Variants in RIMS2 observed in about 807,000 individuals in gnomAD.
The protein encoded by RIMS2 is regulating synaptic membrane exocytosis 2, also known as regulating synaptic membrane exocytosis protein 2.
In RIMS2, 59 loss-of-function variants were observed where a neutral mutation model predicts 174.4. The observed-to-expected ratio is 0.34, with a 90% CI of 0.27 to 0.42. The LOEUF is 0.42. Ranked by LOEUF, RIMS2 falls within the 10% of genes least tolerant of loss-of-function variation. The pLI, the probability that RIMS2 is intolerant of heterozygous loss-of-function variation, is 1.00. For synonymous variants in RIMS2, 606 were observed against 572.5 expected, an observed-to-expected ratio of 1.06 and a Z score of -0.84; for missense variants, 1,620 against 1,666.3, an observed-to-expected ratio of 0.97 and a Z score of 0.48.
At chr8:104,234,204 G>C (rs1200851765) in intron 19 of RIMS2, among the ~76,000 whole-genome samples, 5 of 152,106 alleles carry the variant, frequency 3.3e-5, no homozygotes, top group Admixed American at 1.3e-4. Flanking sequence ...AGAAAGATAA[G>C]TTACCTGCCC....
At chr8:103,586,333 G>C (rs1176572463) in intron 1 of RIMS2, among the ~76,000 whole-genome samples, 1 of 152,148 alleles carries the variant, frequency 6.6e-6, no homozygotes, top group Admixed American at 6.6e-5. Context: ...CTCAAAGATA[G>C]ACTATATGTT....
chr8:103,756,436 C>A lies in RIMS2; in HGVS notation c.388-9791C>A, dbSNP rs1428018881. On this transcript the variant is annotated intron_variant, in intron 2 of 23. Coordinates refer to ENST00000504942, the Ensembl canonical transcript of RIMS2. ...TCTTGTATATTATTTTCTTTTCTTTCTTTTTTTTTTTCTTTCTTAAGACAG... is the reference window on the plus strand; with the variant it reads ...TCTTGTATATTATTTTCTTTTCTTTATTTTTTTTTTTCTTTCTTAAGACAG... Among the ~76,000 whole-genome samples, 19 of 123,890 alleles carry A rather than the reference C, an allele frequency of 1.5e-4. No homozygotes were observed. The East Asian group carries it at 3.9e-3, about 25-fold the overall frequency. The allele number at this position is 123,890 out of a possible 152,430, so 81.3% of individuals were successfully genotyped here. A position where few individuals can be genotyped will look rare whatever the true frequency, so the allele number is the denominator to read the frequency against.
chr8:103,655,396 TA>T (rs769358052), intron 1 of RIMS2, among the ~76,000 whole-genome samples: 1 of 152,026 alleles, frequency 6.6e-6, no homozygotes, highest in Non-Finnish European at 1.5e-5. Flanking sequence ...GGAAAAATGA[TA>T]AATGCCTTAT....
chr8:103,591,553 G>A (rs1053862739), intron 1 of RIMS2, among the ~76,000 whole-genome samples: 8 of 151,012 alleles, frequency 5.3e-5, no homozygotes, highest in Non-Finnish European at 7.4e-5. Flanking sequence ...TTATGTTTAG[G>A]TCTATAATCC....
At chr8:104,236,291 C>T (rs2099258228) in intron 19 of RIMS2, among the ~76,000 whole-genome samples, 1 of 151,944 alleles carries the variant, frequency 6.6e-6, no homozygotes, top group South Asian at 2.1e-4. Flanking sequence ...ATATATTTTT[C>T]TCTTTATAAT....
intron 19 of RIMS2, among the ~76,000 whole-genome samples, chr8:104,223,953 G>A (rs1186833736): frequency 6.6e-6 from 1 of 152,262 alleles, no homozygotes; most frequent in African/African-American, 2.4e-5. Flanking sequence ...CGTCAGCTGA[G>A]CAGAGAAGTT....
chr8:103,758,448 A>G (rs1332170815), intron 2 of RIMS2, among the ~76,000 whole-genome samples: 1 of 152,160 alleles, frequency 6.6e-6, no homozygotes, highest in African/African-American at 2.4e-5. Flanking sequence ...GCCCAAGCCT[A>G]CAGCTTCTAG....
intron 19 of RIMS2, among the ~76,000 whole-genome samples, chr8:104,131,683 G>T (rs966536591): frequency 2.0e-5 from 3 of 151,604 alleles, no homozygotes; most frequent in African/African-American, 7.2e-5. Context: ...TTTTAAATTT[G>T]TGGAGGAGAG....
intron 3 of RIMS2, among the ~76,000 whole-genome samples, chr8:103,855,792 A>G (rs2099024332): frequency 1.3e-5 from 2 of 152,084 alleles, no homozygotes; most frequent in Non-Finnish European, 2.9e-5. Flanking sequence ...TCAATGTTAG[A>G]TTGTATTCCA....
At chr8:104,044,500 G>A (rs1162894777) in intron 19 of RIMS2, among the ~76,000 whole-genome samples, 1 of 148,816 alleles carries the variant, frequency 6.7e-6, no homozygotes, top group East Asian at 1.9e-4. Context: ...AAAGAGGAGA[G>A]GATTAATAAT....
intron 15 of RIMS2, among the ~76,000 whole-genome samples, chr8:103,965,221 T>C (rs2091491779): frequency 6.6e-6 from 1 of 152,186 alleles, no homozygotes; most frequent in Non-Finnish European, 1.5e-5. Flanking sequence ...TTGAGATTGC[T>C]TTGAATCTGT....
At chr8:103,936,608 C>G (rs751371367) in exon 13 of RIMS2, 2 of 1,606,934 alleles carry the variant, frequency 1.2e-6, no homozygotes, top group Non-Finnish European at 1.7e-6. Context: ...CCAAATGGAA[C>G]CAAACATTCA....
intron 3 of RIMS2, among the ~76,000 whole-genome samples, chr8:103,785,426 T>C (rs1387811345): frequency 6.6e-6 from 1 of 151,944 alleles, no homozygotes; most frequent in Admixed American, 6.6e-5. Context: ...TAGCTCTTCT[T>C]ATTTTGAGAT....
intron 1 of RIMS2, among the ~76,000 whole-genome samples, chr8:103,530,381 T>C (rs1836443879): frequency 6.6e-6 from 1 of 151,980 alleles, no homozygotes. Flanking sequence ...AAATAGCAAG[T>C]AGTAAAACAG....
intron 2 of RIMS2, among the ~76,000 whole-genome samples, chr8:103,735,877 G>T (rs918091758): frequency 5.3e-5 from 8 of 152,070 alleles, no homozygotes; most frequent in African/African-American, 1.9e-4. Flanking sequence ...ACTTTTTCTA[G>T]TTTATCTTTT....
At position 103,885,903 on chromosome 8, in the gene RIMS2, C is replaced by T. The variant is rs776368899; in HGVS notation, c.1304C>T (p.Thr435Ile). ...AGGACCACAAACCATAGTCCTCCTA[C>T]CCCCAGGAGGAGTCCACTACCCATA... Residue 435 changes from threonine (T) to isoleucine (I), a missense_variant, in exon 4 of 24, where the codon ACC (threonine) becomes ATC (isoleucine). Thr to Ile is a moderately conservative substitution (Grantham distance 89). Around this residue, in one of 2 missense-constraint regions of RIMS2, gnomAD observed 1,395 missense variants for 1,360.1 expected, o/e 1.03. Coordinates refer to ENST00000504942, the Ensembl canonical transcript of RIMS2. 42 of 1,612,194 alleles carry T rather than the reference C, an allele frequency of 2.6e-5. No individual in the cohort carries two copies. The highest frequency in any genetic ancestry group is 3.3e-4 in the Middle Eastern group (2 of 6,074).
chr8:103,589,886 A>G (rs2094161689), intron 1 of RIMS2, among the ~76,000 whole-genome samples: 1 of 151,462 alleles, frequency 6.6e-6, no homozygotes, highest in African/African-American at 2.4e-5. Context: ...AATCAAAGCA[A>G]TGGAACTCAT....
At chr8:103,947,231 A>T (rs551996056) in intron 14 of RIMS2, among the ~76,000 whole-genome samples, 1 of 152,370 alleles carries the variant, frequency 6.6e-6, no homozygotes, top group Admixed American at 6.5e-5. Flanking sequence ...AGCTTGATCA[A>T]TAAAAAATAA....
At chr8:103,503,010 A>G (rs1189747906) in intron 1 of RIMS2, among the ~76,000 whole-genome samples, 1 of 152,032 alleles carries the variant, frequency 6.6e-6, no homozygotes, top group Non-Finnish European at 1.5e-5. Flanking sequence ...CCTACATACT[A>G]TTCAATACAT....
Sources: allele counts gnomAD v4.1 joint callset (sites outside exome capture counted in the v4.1 genomes callset), GRCh38; gene constraint gnomAD v4.1.1; regional missense constraint gnomAD v4.1.1; transcripts MANE v1.5; gene names NCBI Gene and HGNC (gene_info 2026-07-23, HGNC 2026-07-21).